Variants in DLGAP1 observed in about 807,000 individuals in gnomAD.
DLGAP1 encodes the protein DLG associated protein 1, also known as disks large-associated protein 1.
Under a neutral mutation model 90.8 loss-of-function variants are expected in DLGAP1, and 11 were observed. That is an observed-to-expected ratio of 0.12 (90% CI 0.08 to 0.20). The LOEUF (loss-of-function observed/expected upper bound fraction) is 0.20. DLGAP1 is among the 10% of genes least tolerant of loss of function. The pLI is 1.00. For synonymous variants in DLGAP1, 558 were observed against 540.7 expected, an observed-to-expected ratio of 1.03 and a Z score of -0.44; for missense variants, 1,050 against 1,333.8, an observed-to-expected ratio of 0.79 and a Z score of 3.31.
rs1362439001 is a variant in DLGAP1 at position 3,660,513 on chromosome 18, G to T, written c.1591+68622C>A. Among the ~76,000 whole-genome samples, 8 of 152,210 alleles carry T rather than the reference G, an allele frequency of 5.3e-5. No homozygotes were observed. Among genetic ancestry groups the T allele is most frequent in the Admixed American group, 5.2e-4 (8 of 15,282 alleles). On this transcript the variant is annotated intron_variant, in intron 7 of 12. Transcript: ENST00000315677. This position sits in a 1 kb window ranked among gnomAD's most constrained non-coding sequence, Gnocchi z 4.2. ...AACACACAAAAAATATTTACTGAAT[G>T]AAAAGGTGATCATTCCCGAGTATCC...
chr18:3,765,181 G>A (rs1434704717), intron 5 of DLGAP1, among the ~76,000 whole-genome samples: 1 of 133,046 alleles, frequency 7.5e-6, no homozygotes. Context: ...AGGCTGGAGT[G>A]CAGTGGCGCA....
chr18:4,191,287 A>G (rs1290040547), intron 1 of DLGAP1, among the ~76,000 whole-genome samples: 1 of 152,166 alleles, frequency 6.6e-6, no homozygotes, highest in African/African-American at 2.4e-5. Context: ...ATATTTCTAA[A>G]TGTTCCTTTA....
chr18:3,539,554 G>A (rs1318089351), intron 9 of DLGAP1, among the ~76,000 whole-genome samples: 1 of 152,180 alleles, frequency 6.6e-6, no homozygotes, highest in Non-Finnish European at 1.5e-5. Context: ...GTTGCTTTAT[G>A]TTCCTTCTAT....
At chr18:4,057,033 A>ACACACACG (rs1422817613) in intron 2 of DLGAP1, among the ~76,000 whole-genome samples, 6 of 150,318 alleles carry the variant, frequency 4.0e-5, no homozygotes, top group Non-Finnish European at 8.9e-5. Context: ...ACACACACAC[A>ACACACACG]CACACACACA....
At chr18:3,688,955 T>A (rs2060802149) in intron 7 of DLGAP1, among the ~76,000 whole-genome samples, 1 of 152,172 alleles carries the variant, frequency 6.6e-6, no homozygotes, top group Non-Finnish European at 1.5e-5. Flanking sequence ...AACCCTGGGC[T>A]TAGCTCATTC....
At chr18:4,418,986 G>T (rs2082967955) in intron 1 of DLGAP1, among the ~76,000 whole-genome samples, 1 of 152,084 alleles carries the variant, frequency 6.6e-6, no homozygotes, top group Non-Finnish European at 1.5e-5. Context: ...GGCAACTATA[G>T]AAAAAGATAC....
chr18:4,034,381 G>T (rs575462889), intron 2 of DLGAP1, among the ~76,000 whole-genome samples: 2 of 152,094 alleles, frequency 1.3e-5, no homozygotes, highest in Admixed American at 1.3e-4. Flanking sequence ...ATCCATTTTA[G>T]CCAAGATATT....
intron 9 of DLGAP1, among the ~76,000 whole-genome samples, chr18:3,552,415 G>A (rs911415153): frequency 6.6e-6 from 1 of 152,064 alleles, no homozygotes; most frequent in Non-Finnish European, 1.5e-5. Flanking sequence ...CCTCACTGTA[G>A]GGTGATCTGG....
chr18:3,708,914 A>G (rs774875249), intron 7 of DLGAP1, among the ~76,000 whole-genome samples: 5 of 152,172 alleles, frequency 3.3e-5, no homozygotes, highest in Non-Finnish European at 7.3e-5. Context: ...TTTTTCAGGG[A>G]AATCTCTGTC....
At chr18:4,074,192 C>T (rs1468400092) in intron 2 of DLGAP1, among the ~76,000 whole-genome samples, 1 of 152,096 alleles carries the variant, frequency 6.6e-6, no homozygotes, top group East Asian at 1.9e-4. Flanking sequence ...AGACTTAGTT[C>T]TACTAACTAC....
At chr18:4,278,594 G>C (rs2079472191) in intron 1 of DLGAP1, among the ~76,000 whole-genome samples, 1 of 152,068 alleles carries the variant, frequency 6.6e-6, no homozygotes, top group Non-Finnish European at 1.5e-5. Flanking sequence ...TTTCATCCAT[G>C]TTGCTGCAAA....
chr18:4,230,102 A>G (rs2078269853), intron 1 of DLGAP1, among the ~76,000 whole-genome samples: 1 of 152,108 alleles, frequency 6.6e-6, no homozygotes, highest in Non-Finnish European at 1.5e-5. Flanking sequence ...CCCCAGTTAA[A>G]ATGGCTTTTA....
intron 1 of DLGAP1, among the ~76,000 whole-genome samples, chr18:4,190,026 A>G (rs1052980144): frequency 5.9e-5 from 9 of 152,168 alleles, no homozygotes; most frequent in African/African-American, 2.2e-4. Flanking sequence ...GATAACATAC[A>G]GCAATCATAC....
At chr18:3,730,186 G>A (rs1255802299) in intron 6 of DLGAP1, among the ~76,000 whole-genome samples, 1 of 152,144 alleles carries the variant, frequency 6.6e-6, no homozygotes, top group Non-Finnish European at 1.5e-5. Flanking sequence ...CCAGGAGGTC[G>A]AGGCTGCAGT....
chr18:3,934,511 G>A (rs1568307641), intron 3 of DLGAP1, among the ~76,000 whole-genome samples: 1 of 152,102 alleles, frequency 6.6e-6, no homozygotes, highest in Non-Finnish European at 1.5e-5. Flanking sequence ...AAGAGTGGCA[G>A]ACAGAGAGAG....
intron 1 of DLGAP1, among the ~76,000 whole-genome samples, chr18:4,391,552 T>G (rs2082340427): frequency 6.6e-6 from 1 of 152,196 alleles, no homozygotes; most frequent in African/African-American, 2.4e-5. Flanking sequence ...TGGTACTGAT[T>G]GGTGAAGATC....
intron 1 of DLGAP1, among the ~76,000 whole-genome samples, chr18:4,257,761 A>C (rs1168270327): frequency 6.6e-6 from 1 of 151,574 alleles, no homozygotes; most frequent in East Asian, 2.0e-4. Flanking sequence ...AGTAGCTGAG[A>C]CTATAGATGC....
rs1326568577 is a variant in DLGAP1, at chr18:4,430,530, G to GTGTGTT, written c.-267+24475_-267+24476insAACACA. On this transcript the variant is annotated intron_variant, in intron 1 of 12. Transcript: ENST00000315677. ...TGTGTGTGTGTGTGTGTGTGTGTGT[G>GTGTGTT]TGTGTGTGTGTCTGTGATTCAAATG... 4 of 152,782 alleles carry GTGTGTT rather than the reference G, an allele frequency of 2.6e-5. No homozygotes were observed. In the East Asian group the frequency reaches 7.7e-4, roughly 29 times the overall value. The allele number at this position is 152,782 out of a possible 1,614,324, so 9.5% of individuals were successfully genotyped here.
At chr18:3,530,180 G>A (rs1446747675) in intron 10 of DLGAP1, among the ~76,000 whole-genome samples, 1 of 152,118 alleles carries the variant, frequency 6.6e-6, no homozygotes, top group Non-Finnish European at 1.5e-5. Flanking sequence ...CAGAAGTGGG[G>A]GGATTGCTTG....
Sources: allele counts gnomAD v4.1 joint callset (sites outside exome capture counted in the v4.1 genomes callset), GRCh38; gene constraint gnomAD v4.1.1; non-coding constraint Gnocchi (gnomAD v3.1); transcripts MANE v1.5; gene names NCBI Gene and HGNC (gene_info 2026-07-23, HGNC 2026-07-21).